Variants in CPS1 observed in about 807,000 individuals in gnomAD.
CPS1 encodes carbamoyl-phosphate synthase 1, also known as carbamoyl-phosphate synthase [ammonia], mitochondrial.
CPS1 carries 109 observed loss-of-function variants against 174.6 expected under a neutral mutation model. The observed-to-expected ratio is 0.62, with a 90% confidence interval of 0.53 to 0.73. The LOEUF (loss-of-function observed/expected upper bound fraction) is 0.73, where lower values mean the gene tolerates loss of function less well. CPS1 is among the 30% of genes least tolerant of loss of function. The pLI is 0.00. For synonymous variants in CPS1, 637 were observed against 632.0 expected, an observed-to-expected ratio of 1.01 and a Z score of -0.12; for missense variants, 1,689 against 1,821.9, an observed-to-expected ratio of 0.93 and a Z score of 1.33.
intron 18 of CPS1, among the ~76,000 whole-genome samples, chr2:210,608,066 T>C (rs2105851938): frequency 6.6e-6 from 1 of 152,040 alleles, no homozygotes; most frequent in African/African-American, 2.4e-5. Flanking sequence ...AAGGTTAAAC[T>C]TTATTTATCA....
chr2:210,500,994 A>G (rs1029224219), intron 1 of CPS1, among the ~76,000 whole-genome samples: 22 of 152,056 alleles, frequency 1.4e-4, no homozygotes, highest in Admixed American at 3.9e-4. Flanking sequence ...CCAAACTTCA[A>G]TTCTTGACTT....
At chr2:210,482,141 A>G (rs951862807) in intron 1 of CPS1, among the ~76,000 whole-genome samples, 1 of 152,178 alleles carries the variant, frequency 6.6e-6, no homozygotes, top group African/African-American at 2.4e-5. Context: ...TCAAGGAGTT[A>G]TATAAAACTT....
chr2:210,555,386 A>G (rs1437045827), upstream of CPS1, among the ~76,000 whole-genome samples: 1 of 152,002 alleles, frequency 6.6e-6, no homozygotes, highest in African/African-American at 2.4e-5. Context: ...CATTTGGGCA[A>G]CTTTCATGGC....
chr2:210,608,476 G>T lies in CPS1; in HGVS notation c.2308G>T (p.Val770Phe). ...TTTTGAACCTAGCCTGGATTACATG[G>T]TCACCAAGATTCCCCGCTGGGATCT... is the stretch of plus-strand genomic sequence containing the variant. ...ACFEPSLDYMVTKIPRWDLDR... is the reference protein window; with the variant it reads ...ACFEPSLDYMFTKIPRWDLDR... Residue 770 changes from valine to phenylalanine, a missense_variant, in exon 19 of 38, where the codon GTC (valine) becomes TTC (phenylalanine). Transcript: ENST00000233072. 6.2e-7 allele frequency: 1 copy of T among 1,612,512 alleles called. No homozygotes were observed. Among genetic ancestry groups the T allele is most frequent in the Non-Finnish European group, 8.5e-7 (1 of 1,178,974 alleles).
intron 1 of CPS1, among the ~76,000 whole-genome samples, chr2:210,482,396 G>T (rs1308464916): frequency 2.0e-5 from 3 of 150,866 alleles, no homozygotes; most frequent in Non-Finnish European, 4.4e-5. Flanking sequence ...GCTCACTCTC[G>T]GGTTCCAGCA....
intron 29 of CPS1, among the ~76,000 whole-genome samples, chr2:210,655,539 C>T (rs1488195895): frequency 6.6e-6 from 1 of 152,078 alleles, no homozygotes; most frequent in Non-Finnish European, 1.5e-5. Context: ...TGAATGCCTC[C>T]CCTTTTCCAG....
chr2:210,486,447 A>T (rs572224314), intron 1 of CPS1, among the ~76,000 whole-genome samples: 22 of 152,216 alleles, frequency 1.4e-4, no homozygotes, highest in African/African-American at 5.3e-4. Flanking sequence ...GGACCATCTT[A>T]TGTCCTTATA....
chr2:210,641,444 T>C (rs1396907318), intron 24 of CPS1, among the ~76,000 whole-genome samples: 3 of 152,068 alleles, frequency 2.0e-5, no homozygotes, highest in African/African-American at 7.2e-5. Context: ...TATAACAGCA[T>C]TAATCTATTC....
Position 210,564,502 on chromosome 2 carries a change from A to T in CPS1, c.126+7643A>T, listed in dbSNP as rs572848322. 3.3e-5 allele frequency among the ~76,000 whole-genome samples: 5 copies of T among 152,018 alleles called. No homozygotes were observed. In the South Asian group the frequency reaches 1.0e-3, roughly 32 times the overall value. ...GCCATTCTCCTGCCTCAGCCTCCCG[A>T]GTAGCTGGGACTACAGGTGCCTGCC... On this transcript the variant is annotated intron_variant, in intron 1 of 37. Coordinates refer to ENST00000233072, the MANE Select transcript of CPS1 (RefSeq NM_001875.5).
chr2:210,612,015 T>A, intron 19 of CPS1, 102 bp from the exon 20 acceptor site: 1 of 1,087,966 alleles, frequency 9.2e-7, no homozygotes, highest in South Asian at 1.4e-5. Flanking sequence ...ATATTTTTTG[T>A]TCTTATTTGT....
chr2:210,481,440 C>G (rs1694567296), intron 1 of CPS1, among the ~76,000 whole-genome samples: 1 of 152,166 alleles, frequency 6.6e-6, no homozygotes. Context: ...AATTGTTAAT[C>G]AAGTGGATTG....
At chr2:210,537,423 A>G (rs765174415) in intron 1 of CPS1, among the ~76,000 whole-genome samples, 21 of 152,216 alleles carry the variant, frequency 1.4e-4, no homozygotes, top group Non-Finnish European at 2.8e-4. Context: ...GGTGTACTCT[A>G]GCATGAACTG....
At chr2:210,500,810 A>C (rs1695118935) in intron 1 of CPS1, among the ~76,000 whole-genome samples, 1 of 152,160 alleles carries the variant, frequency 6.6e-6, no homozygotes, top group Non-Finnish European at 1.5e-5. Context: ...CCCTCTTCTC[A>C]CAGCTCCACT....
chr2:210,573,261 A>G (rs1228593839), intron 1 of CPS1, 37 bp from the exon 2 acceptor site: 2 of 1,523,326 alleles, frequency 1.3e-6, no homozygotes, highest in African/African-American at 1.4e-5. Context: ...GTTTTGTATT[A>G]TGTATTCTGC....
At chr2:210,662,198 A>T (rs6726148) in intron 32 of CPS1, among the ~76,000 whole-genome samples, 23,055 of 152,100 alleles carry the variant, frequency 0.15, 1,903 homozygotes, top group African/African-American at 0.22. Context: ...TTACAGGTAG[A>T]TATGCATTTT....
chr2:210,495,587 GT>G (rs35898055), intron 1 of CPS1, among the ~76,000 whole-genome samples: 2 of 152,140 alleles, frequency 1.3e-5, no homozygotes, highest in Non-Finnish European at 2.9e-5. Context: ...GCAGACTGCA[GT>G]TTTTTCCTGC....
chr2:210,538,400 T>A (rs1391577380), intron 1 of CPS1, among the ~76,000 whole-genome samples: 2 of 152,122 alleles, frequency 1.3e-5, no homozygotes, highest in African/African-American at 4.8e-5. Flanking sequence ...TCAGTTGATC[T>A]TTAAGAGAAC....
intron 1 of CPS1, among the ~76,000 whole-genome samples, chr2:210,541,859 G>A (rs1696440802): frequency 1.3e-5 from 2 of 152,036 alleles, no homozygotes; most frequent in African/African-American, 4.8e-5. Flanking sequence ...GAGTATCAGG[G>A]TTGTGTGAAC....
intron 21 of CPS1, among the ~76,000 whole-genome samples, chr2:210,633,910 A>T (rs1699947685): frequency 6.6e-6 from 1 of 152,230 alleles, no homozygotes; most frequent in African/African-American, 2.4e-5. Flanking sequence ...TTTTCAAGGC[A>T]TGTGTTTTAA....
Sources: allele counts gnomAD v4.1 joint callset (sites outside exome capture counted in the v4.1 genomes callset), GRCh38; gene constraint gnomAD v4.1.1; transcripts MANE v1.5; gene names NCBI Gene and HGNC (gene_info 2026-07-23, HGNC 2026-07-21).